Variants in GNB5 observed in about 807,000 individuals in gnomAD.
GNB5 encodes G protein subunit beta 5.
GNB5 carries 37 observed loss-of-function variants against 55.3 expected under a neutral mutation model. That is an observed-to-expected ratio of 0.67 (90% CI 0.51 to 0.88). GNB5 has a LOEUF of 0.88. Among genes scored for constraint, GNB5 ranks in the 40% least tolerant of loss-of-function variants. The pLI is 0.00. For synonymous variants in GNB5, 219 were observed against 198.5 expected (o/e 1.10, Z -0.87); for missense variants, 476 against 515.3 (o/e 0.92, Z 0.74).
chr15:52,127,250 G>A (rs986401279), intron 10 of GNB5, among the ~76,000 whole-genome samples: 1 of 152,180 alleles, frequency 6.6e-6, no homozygotes, highest in Non-Finnish European at 1.5e-5. Flanking sequence ...ATGGGCATCC[G>A]ATGACTTAAA....
intron 6 of GNB5, 197 bp downstream of exon 6, chr15:52,147,262 C>T (rs2033997001): frequency 2.1e-6 from 1 of 487,714 alleles, no homozygotes; most frequent in Non-Finnish European, 3.7e-6. Flanking sequence ...CTCAGCCTCC[C>T]AGGTGGCTGG....
chr15:52,162,811 T>C (rs1036182276), intron 3 of GNB5: 2 of 152,170 alleles, frequency 1.3e-5, no homozygotes, highest in Non-Finnish European at 2.9e-5. Context: ...CAGATTTCTT[T>C]GTTTCTTCTC....
Position 52,125,860 on chromosome 15 carries a change from TGAAAA to T in GNB5, c.1009+83_1009+87del, listed in dbSNP as rs895587303. On this transcript the variant is annotated intron_variant, in intron 11 of 12. Transcript: ENST00000261837. Reference sequence around the variant, plus strand: ...ACTGGTCCACAGGAAGCTCAGTTGATGAAAAGGAACTGAGCGATGATGGAGCGCTA... The same window carrying T: ...ACTGGTCCACAGGAAGCTCAGTTGATGGAACTGAGCGATGATGGAGCGCTA... 6.3e-5 allele frequency: 42 copies of T among 667,050 alleles called. No individual in the cohort carries two copies. The African/African-American group carries it at 7.4e-4, about 12-fold the overall frequency. 41.3% of individuals were successfully genotyped at this position (667,050 alleles called of 1,614,324 possible).
In GNB5 at chr15:52,121,951, T is replaced by G. The variant is rs1157246849; in HGVS notation, c.*806A>C. ...ACCTAAGTGTTTCCACTAATTCTAC[T>G]AATAGGTTTTTAAATAAGTTTACTA... On this transcript the variant is annotated 3_prime_UTR_variant, in exon 13 of 13. Transcript: ENST00000261837. 1 of 152,216 alleles carries G rather than the reference T, an allele frequency of 6.6e-6. No homozygotes were observed. The highest frequency in any genetic ancestry group is 1.9e-4 in the East Asian group (1 of 5,202). The allele number at this position is 152,216 out of a possible 1,614,324, so 9.4% of individuals were successfully genotyped here.
At chr15:52,152,779 C>T (rs1300452973) in intron 4 of GNB5, among the ~76,000 whole-genome samples, 1 of 152,100 alleles carries the variant, frequency 6.6e-6, no homozygotes, top group Non-Finnish European at 1.5e-5. Flanking sequence ...TACAGGCACG[C>T]ACCACCATGC....
chr15:52,170,445 G>C (rs1234318195), intron 3 of GNB5, among the ~76,000 whole-genome samples: 4 of 152,106 alleles, frequency 2.6e-5, no homozygotes, highest in South Asian at 4.2e-4. Context: ...AGCAAACTAA[G>C]GCAGAAACAG....
intron 3 of GNB5, among the ~76,000 whole-genome samples, chr15:52,179,439 C>G (rs903345261): frequency 6.6e-6 from 1 of 152,092 alleles, no homozygotes; most frequent in Admixed American, 6.5e-5. Context: ...CCACCCCCTG[C>G]CCTCCGCATG....
At chr15:52,160,784 C>T (rs1383407352) in intron 3 of GNB5, among the ~76,000 whole-genome samples, 2 of 152,116 alleles carry the variant, frequency 1.3e-5, no homozygotes, top group Admixed American at 6.5e-5. Context: ...CATGGGATTA[C>T]AGGTGTGAGC....
intron 6 of GNB5, among the ~76,000 whole-genome samples, chr15:52,143,508 G>A (rs1186125183): frequency 1.3e-5 from 2 of 152,162 alleles, no homozygotes; most frequent in African/African-American, 4.8e-5. Flanking sequence ...CTGAATGAAA[G>A]CTTCTTGGGG....
At chr15:52,164,203 G>A (rs2034400939) in intron 3 of GNB5, among the ~76,000 whole-genome samples, 2 of 152,028 alleles carry the variant, frequency 1.3e-5, no homozygotes, top group South Asian at 4.2e-4. Flanking sequence ...AGCTACTCGG[G>A]GGGCTGAGGC....
intron 9 of GNB5, among the ~76,000 whole-genome samples, chr15:52,130,625 T>C (rs2033550488): frequency 6.6e-6 from 1 of 152,244 alleles, no homozygotes; most frequent in Non-Finnish European, 1.5e-5. Flanking sequence ...TCTCTCTCTC[T>C]GACTTCCTCA....
intron 5 of GNB5, chr15:52,149,321 G>T (rs3794542): frequency 0.54 from 87,497 of 161,504 alleles, 27,075 homozygotes; most frequent in Non-Finnish European, 0.69. Context: ...ATGCAATGCA[G>T]GTGTTCCAGC....
intron 5 of GNB5, among the ~76,000 whole-genome samples, chr15:52,148,453 G>A (rs1017856011): frequency 3.3e-5 from 5 of 152,122 alleles, no homozygotes; most frequent in Admixed American, 2.6e-4. Context: ...GAGAACCACC[G>A]TGGCACACAT....
rs1435661177 is a variant in GNB5, at chr15:52,120,546, G to C, written c.*2211C>G. 1 of 152,258 alleles carries C rather than the reference G, an allele frequency of 6.6e-6. No homozygotes were observed. The highest frequency in any genetic ancestry group is 1.5e-5 in the Non-Finnish European group (1 of 68,104). The allele number at this position is 152,258 out of a possible 1,614,324, so 9.4% of individuals were successfully genotyped here. ...CCTCTCCAAACATGGAACCTGGAATGTGCTTCCCTGGGCCACCTTTCCTTC... is the reference window on the plus strand; with the variant it reads ...CCTCTCCAAACATGGAACCTGGAATCTGCTTCCCTGGGCCACCTTTCCTTC... On this transcript the variant is annotated 3_prime_UTR_variant, in exon 13 of 13. Transcript: ENST00000261837.
intron 3 of GNB5, among the ~76,000 whole-genome samples, chr15:52,171,660 C>T (rs2034557210): frequency 6.6e-6 from 1 of 152,104 alleles, no homozygotes; most frequent in South Asian, 2.1e-4. Flanking sequence ...CTGTAAGCGT[C>T]GGTACACAGA....
chr15:52,177,662 A>AAG (rs1323989733), intron 3 of GNB5, among the ~76,000 whole-genome samples: 85 of 152,074 alleles, frequency 5.6e-4, no homozygotes, highest in African/African-American at 1.9e-3. Flanking sequence ...AAAAAAAAAA[A>AAG]AAAAGAAAAG....
chr15:52,165,603 T>C (rs2034434814), intron 3 of GNB5, among the ~76,000 whole-genome samples: 1 of 152,098 alleles, frequency 6.6e-6, no homozygotes, highest in Non-Finnish European at 1.5e-5. Context: ...CAAGCTAAGC[T>C]TCATAAGCAA....
intron 7 of GNB5, chr15:52,136,842 T>C (rs117841494): frequency 2.8e-6 from 1 of 361,978 alleles, no homozygotes; most frequent in East Asian, 7.6e-5. Context: ...ATCCCTGTGT[T>C]AAACAATTCT....
Position 52,136,113 on chromosome 15 carries a change from AACACACACACACAC to A in GNB5, c.628-371_628-358del, listed in dbSNP as rs751263225. ...CACACACACACAGGGAAAAGCAGAAAACACACACACACACACACACACACACACACACACACACA... is the reference window on the plus strand; with the variant it reads ...CACACACACACAGGGAAAAGCAGAAAACACACACACACACACACACACACA... On this transcript the variant is annotated intron_variant, in intron 7 of 12. Transcript: ENST00000261837. 9.7e-3 allele frequency among the ~76,000 whole-genome samples: 494 copies of A among 50,720 alleles called. 8 individuals carry two copies. The highest frequency in any genetic ancestry group is 0.012 in the Non-Finnish European group (368 of 31,626). The allele number at this position is 50,720 out of a possible 152,430, so 33.3% of individuals were successfully genotyped here.
Sources: allele counts gnomAD v4.1 joint callset (sites outside exome capture counted in the v4.1 genomes callset), GRCh38; gene constraint gnomAD v4.1.1; transcripts MANE v1.5; gene names NCBI Gene and HGNC (gene_info 2026-07-23, HGNC 2026-07-21).